Variants in MICAL3 observed in about 807,000 individuals in gnomAD.
The protein encoded by MICAL3 is [F-actin]-monooxygenase MICAL3.
MICAL3 carries 62 observed loss-of-function variants against 207.4 expected under a neutral mutation model. The observed-to-expected ratio is 0.30, with a 90% CI of 0.24 to 0.37. The LOEUF is 0.37. MICAL3 is among the 10% of genes least tolerant of loss of function. The probability of loss-of-function intolerance (pLI) is 1.00; values close to 1 mark genes in which losing one functional copy is unlikely to be tolerated. For missense variants in MICAL3, 2,368 were observed against 2,635.6 expected, an observed-to-expected ratio of 0.90 and a Z score of 2.22; for synonymous variants, 1,077 against 1,069.3, an observed-to-expected ratio of 1.01 and a Z score of -0.14.
intron 1 of MICAL3, among the ~76,000 whole-genome samples, chr22:17,956,435 A>G (rs1237674442): frequency 6.6e-6 from 1 of 152,160 alleles, no homozygotes; most frequent in Non-Finnish European, 1.5e-5. Flanking sequence ...GCACTTTGGG[A>G]GGCCGAGGCG....
At chr22:17,974,661 T>G (rs1252467880) in intron 1 of MICAL3, among the ~76,000 whole-genome samples, 3 of 149,714 alleles carry the variant, frequency 2.0e-5, no homozygotes, top group African/African-American at 7.4e-5. Context: ...TAGACAGAGG[T>G]TGTAGTGAGC....
Position 17,831,968 on chromosome 22 carries a change from GCTC to G in MICAL3, c.2938_2940del (p.Glu980del), listed in dbSNP as rs1229608715. Reference sequence around the variant, plus strand: ...GGCCCAAAGCTCTTTGAGGCCTCTAGCTCCTCTTCACTTTTCCCTTTCAGAAGG... The same window carrying G: ...GGCCCAAAGCTCTTTGAGGCCTCTAGCTCTTCACTTTTCCCTTTCAGAAGG... On this transcript the variant is annotated inframe_deletion, in exon 21 of 32. Coordinates refer to ENST00000441493, the MANE Select transcript of MICAL3 (RefSeq NM_015241.3). 1 of 1,593,598 alleles carries G rather than the reference GCTC, an allele frequency of 6.3e-7. No individual in the cohort carries two copies. The highest frequency in any genetic ancestry group is 8.5e-7 in the Non-Finnish European group (1 of 1,170,282).
At chr22:17,802,057 A>T (rs1022530684) in intron 29 of MICAL3, among the ~76,000 whole-genome samples, 5 of 143,968 alleles carry the variant, frequency 3.5e-5, no homozygotes, top group Non-Finnish European at 6.1e-5. Flanking sequence ...TCTGAATGTA[A>T]ACAATTTTTT....
At chr22:17,972,570 T>C (rs1935466473) in intron 1 of MICAL3, among the ~76,000 whole-genome samples, 1 of 152,062 alleles carries the variant, frequency 6.6e-6, no homozygotes, top group African/African-American at 2.4e-5. Context: ...CTCACCCCCA[T>C]CTTCAGGGCC....
intron 14 of MICAL3, 22 bp downstream of exon 14, chr22:17,887,301 A>G: frequency 1.9e-6 from 3 of 1,610,784 alleles, no homozygotes; most frequent in Non-Finnish European, 2.5e-6. Context: ...TTTGCAGCCC[A>G]TCAAGAGACT....
chr22:17,914,896 A>C (rs973564815), intron 1 of MICAL3, among the ~76,000 whole-genome samples: 1 of 152,192 alleles, frequency 6.6e-6, no homozygotes, highest in African/African-American at 2.4e-5. Context: ...AACATTTTCC[A>C]ATCACCTAAT....
Position 17,933,009 on chromosome 22 carries a change from C to T in MICAL3, c.-74-26123G>A, listed in dbSNP as rs9618169. On this transcript the variant is annotated intron_variant, in intron 1 of 31. Transcript: ENST00000441493. ...ACCTACAAAGAGACTTAGAATCCCA[C>T]ACAATAATAATGGGAGACTTTAACA... Among the ~76,000 whole-genome samples the T allele has an allele frequency of 5.6e-3, 850 of 152,236 alleles. 7 individuals are homozygous for T. Among genetic ancestry groups the T allele is most frequent in the African/African-American group, 0.019 (793 of 41,538 alleles).
Position 17,831,771 on chromosome 22 carries a change from C to A in MICAL3, c.3055+83G>T. Reference sequence around the variant, plus strand: ...AGGAGGCACGTCCGTGTGACGTCAGCCCCAGAAACCTCTTACACTCACGCA... The same window carrying A: ...AGGAGGCACGTCCGTGTGACGTCAGACCCAGAAACCTCTTACACTCACGCA... On this transcript the variant is annotated intron_variant, in intron 21 of 31. Coordinates refer to ENST00000441493, the MANE Select transcript of MICAL3 (RefSeq NM_015241.3). 3 of 1,496,878 alleles carry A rather than the reference C, an allele frequency of 2.0e-6. No individual in the cohort carries two copies. The South Asian group carries it at 4.1e-5, about 20-fold the overall frequency. 92.7% of individuals were successfully genotyped at this position (1,496,878 alleles called of 1,614,324 possible).
Position 17,788,281 on chromosome 22 carries a change from C to T in MICAL3, c.*2451G>A, listed in dbSNP as rs908662912. The T allele has an allele frequency of 1.3e-5, 2 of 152,338 alleles. No homozygotes were observed. Among genetic ancestry groups the T allele is most frequent in the African/African-American group, 4.8e-5 (2 of 41,478 alleles). 9.4% of individuals were successfully genotyped at this position (152,338 alleles called of 1,614,324 possible). On this transcript the variant is annotated 3_prime_UTR_variant, in exon 32 of 32. Transcript: ENST00000441493. ...GCTCTGCGGCGCCTCTCTGCAAAGG[C>T]TCGGGTCCACCTTCCAGACTGCAGG... is the stretch of plus-strand genomic sequence containing the variant.
intron 7 of MICAL3, among the ~76,000 whole-genome samples, chr22:17,898,444 G>A (rs1247857498): frequency 6.6e-6 from 1 of 152,226 alleles, no homozygotes; most frequent in African/African-American, 2.4e-5. Context: ...CAAGGTTCCT[G>A]GGTAGAAAGA....
At chr22:17,884,398 G>T in intron 16 of MICAL3, 1 of 1,468,444 alleles carries the variant, frequency 6.8e-7, no homozygotes, top group Non-Finnish European at 9.3e-7. Context: ...GACAGGACAT[G>T]GAGACAAAAC....
intron 29 of MICAL3, among the ~76,000 whole-genome samples, chr22:17,792,496 GAGTGTGAGGAACACAGCCTCAGA>G (rs1383457740): frequency 6.6e-6 from 1 of 152,192 alleles, no homozygotes; most frequent in African/African-American, 2.4e-5. Flanking sequence ...ACAAGCCCAG[GAGTGTGAGGAACACAGCCTCAGA>G]AGGGCCAGCC....
chr22:18,011,392 A>G (rs895528573), intron 1 of MICAL3, among the ~76,000 whole-genome samples: 11 of 151,878 alleles, frequency 7.2e-5, no homozygotes, highest in Admixed American at 5.9e-4. Flanking sequence ...TAAAAAATAC[A>G]AAACTAGCCA....
intron 19 of MICAL3, among the ~76,000 whole-genome samples, chr22:17,848,263 T>C (rs1030839557): frequency 6.6e-6 from 1 of 152,188 alleles, no homozygotes; most frequent in African/African-American, 2.4e-5. Flanking sequence ...GTCCAGATCA[T>C]GGACAGGGCT....
chr22:17,961,938 T>C (rs141068187), intron 1 of MICAL3, among the ~76,000 whole-genome samples: 1 of 152,338 alleles, frequency 6.6e-6, no homozygotes, highest in East Asian at 1.9e-4. Context: ...AAATATCTGT[T>C]TGGGGTTTCC....
At position 17,904,774 on chromosome 22, in the gene MICAL3, G is replaced by C. The variant is rs1489731261; in HGVS notation, c.330C>G (p.Ala110=). ...RTAIDLSLLG[A]KVVVIEKRDA... is the part of the protein sequence containing the mutation. ...CTCGTTTCTCAATAACAACCACCTT[G>C]GCCCCCAGTAAGGATAAGTCGATGG... The change falls in exon 3 of 32, where the codon GCC becomes GCG. Residue 110 remains alanine (A), a synonymous_variant. Coordinates refer to ENST00000441493, the MANE Select transcript of MICAL3 (RefSeq NM_015241.3). 6.2e-7 allele frequency: 1 copy of C among 1,613,962 alleles called. No homozygotes were observed. The highest frequency in any genetic ancestry group is 1.7e-5 in the Admixed American group (1 of 60,026).
chr22:17,992,125 C>T (rs898197561), intron 1 of MICAL3, among the ~76,000 whole-genome samples: 1 of 152,164 alleles, frequency 6.6e-6, no homozygotes, highest in African/African-American at 2.4e-5. Context: ...CTATATCTCT[C>T]GATGAGTAGC....
intron 1 of MICAL3, among the ~76,000 whole-genome samples, chr22:18,000,111 C>A (rs1206334327): frequency 6.6e-6 from 1 of 152,176 alleles, no homozygotes; most frequent in Non-Finnish European, 1.5e-5. Flanking sequence ...CAGCTTAAAA[C>A]CCAGTTCATC....
chr22:17,818,977 C>A lies in MICAL3; in HGVS notation c.3684G>T (p.Val1228=). The change falls in exon 26 of 32, where the codon GTG becomes GTT. Residue 1228 remains valine, a synonymous_variant. Coordinates refer to ENST00000441493, the MANE Select transcript of MICAL3 (RefSeq NM_015241.3). Reference sequence around the variant, plus strand: ...CAGGAGTCCTAGCTTCTGGCAGGGTCACTGGCTGTGATCGGATGGGAGAGT... The same window carrying A: ...CAGGAGTCCTAGCTTCTGGCAGGGTAACTGGCTGTGATCGGATGGGAGAGT... ...AVHSPIRSQP[V]TLPEARTPVS... is the part of the protein sequence containing the mutation. 1.2e-6 allele frequency: 2 copies of A among 1,608,624 alleles called. No individual in the cohort carries two copies. Among genetic ancestry groups the A allele is most frequent in the South Asian group, 2.2e-5 (2 of 90,460 alleles).
Sources: gnomAD v4.1 joint callset for allele counts (sites outside exome capture counted in the v4.1 genomes callset) on GRCh38, gnomAD v4.1.1 for gene constraint, MANE v1.5 for transcripts, NCBI Gene and HGNC (gene_info 2026-07-23, HGNC 2026-07-21) for gene names.